The following ZNF320 variants were observed in gnomAD, a reference collection of about 807,000 sequenced individuals.
ZNF320 encodes zinc finger protein 320.
Under a neutral mutation model 6.8 loss-of-function variants are expected in ZNF320, and 2 were observed. The ratio of observed to expected loss-of-function variants is 0.29; its 90% confidence interval spans 0.12 to 0.93. The LOEUF (loss-of-function observed/expected upper bound fraction) is 0.93. ZNF320 is among the 40% of genes least tolerant of loss of function. ZNF320 has a pLI of 0.55. For missense variants in ZNF320, 472 were observed against 611.0 expected (o/e 0.77, Z 2.40); for synonymous variants, 208 against 203.2 (o/e 1.02, Z -0.20).
chr19:52,870,779 C>T (rs4803017), intron 5 of ZNF320, among the ~76,000 whole-genome samples: 129,869 of 152,068 alleles, frequency 0.85, 55,786 homozygotes, highest in Non-Finnish European at 0.88. Flanking sequence ...AAATAAAATA[C>T]AATCAATGAT....
downstream of ZNF320, among the ~76,000 whole-genome samples, chr19:52,860,640 T>A (rs537410706): frequency 6.6e-6 from 1 of 151,740 alleles, no homozygotes; most frequent in African/African-American, 2.4e-5. Context: ...TTCTTGGTAT[T>A]TTAGTGTGCA....
At chr19:52,883,378 G>A (rs112678260) in intron 5 of ZNF320, among the ~76,000 whole-genome samples, 25 of 152,214 alleles carry the variant, frequency 1.6e-4, no homozygotes, top group African/African-American at 5.1e-4. Context: ...TGACATTAAC[G>A]AAGGGAGTGT....
In ZNF320 at chr19:52,882,507, G is replaced by A. The variant is rs907352298; in HGVS notation, c.143-524C>T. On this transcript the variant is annotated intron_variant, in intron 5 of 5. Coordinates refer to ENST00000682928, the MANE Select transcript of ZNF320 (RefSeq NM_001351774.2). The stretch of plus-strand genomic sequence containing the variant: ...AGATAAGATTACAAAAATTAGCCAG[G>A]TGTGGTAGCCCACCCTGTCGTCCCA... 3.3e-5 allele frequency among the ~76,000 whole-genome samples: 5 copies of A among 152,136 alleles called. 1 individual carries two copies. Among genetic ancestry groups the A allele is most frequent in the Admixed American group, 1.3e-4 (2 of 15,268 alleles).
upstream of ZNF320, among the ~76,000 whole-genome samples, chr19:52,900,912 A>AT (rs896184684): frequency 7.3e-5 from 8 of 109,598 alleles, no homozygotes; most frequent in Non-Finnish European, 6.4e-5. Context: ...AGATATACTT[A>AT]TTTTTTTTTT....
chr19:52,887,013 A>AGGAAGGAAGGAAGGAAGGAAGG (rs1555821425), intron 5 of ZNF320, among the ~76,000 whole-genome samples: 6 of 143,344 alleles, frequency 4.2e-5, no homozygotes, highest in African/African-American at 1.6e-4. Context: ...AAGGAAAAGA[A>AGGAAGGAAGGAAGGAAGGAAGG]AAAACAAAAC....
At chr19:52,896,317 C>A (rs1164602212) in intron 1 of ZNF320, among the ~76,000 whole-genome samples, 4 of 152,230 alleles carry the variant, frequency 2.6e-5, no homozygotes, top group African/African-American at 9.6e-5. Context: ...TCTCGAACTC[C>A]TGACCTCAGG....
downstream of ZNF320, among the ~76,000 whole-genome samples, chr19:52,875,695 C>T (rs1332005736): frequency 4.0e-5 from 6 of 151,818 alleles, no homozygotes; most frequent in East Asian, 1.2e-3. Flanking sequence ...TGTGGTGGAT[C>T]TTTGGGCCTG....
chr19:52,892,422 G>A (rs148135695), intron 2 of ZNF320: 153 of 151,810 alleles, frequency 1.0e-3, no homozygotes, highest in Non-Finnish European at 1.6e-3. Context: ...AGGGTCAGCT[G>A]TAGAACTACT....
At chr19:52,862,553 T>C in exon 6 of ZNF320, 1 of 368,478 alleles carries the variant, frequency 2.7e-6, no homozygotes. Flanking sequence ...TGTTGTAGTT[T>C]TACTGGAGAC....
chr19:52,901,442 A>G (rs7256671), upstream of ZNF320, among the ~76,000 whole-genome samples: 121,259 of 152,104 alleles, frequency 0.8, 48,745 homozygotes, highest in African/African-American at 0.89. Flanking sequence ...AGGGCTTGTC[A>G]TCTTCTTCAG....
rs1341433752 is a variant in ZNF320, at chr19:52,879,894, T to C, written c.*702A>G. The C allele has an allele frequency of 1.3e-5, 2 of 152,148 alleles. No homozygotes were observed. Among genetic ancestry groups the C allele is most frequent in the Non-Finnish European group, 2.9e-5 (2 of 68,024 alleles). 9.4% of individuals were successfully genotyped at this position (152,148 alleles called of 1,614,324 possible). A position where few individuals can be genotyped will look rare whatever the true frequency, so the allele number is the denominator to read the frequency against. On this transcript the variant is annotated 3_prime_UTR_variant, in exon 6 of 6. Transcript: ENST00000682928. The stretch of plus-strand genomic sequence containing the variant: ...AATAAATGAAAAAAGTTGAGAAGTT[T>C]CTACCTTCAAATCTACAAACATTGA...
chr19:52,883,367 G>A (rs2063980782), intron 5 of ZNF320, among the ~76,000 whole-genome samples: 1 of 152,144 alleles, frequency 6.6e-6, no homozygotes, highest in Admixed American at 6.6e-5. Flanking sequence ...GCGGCAGTTT[G>A]TGACATTAAC....
chr19:52,867,677 T>C (rs2147776296), intron 5 of ZNF320, among the ~76,000 whole-genome samples: 1 of 152,204 alleles, frequency 6.6e-6, no homozygotes, highest in Admixed American at 6.5e-5. Flanking sequence ...AGTGGCCTGA[T>C]CTTGGCTCAC....
upstream of ZNF320, among the ~76,000 whole-genome samples, chr19:52,898,348 G>A: frequency 6.6e-6 from 1 of 152,146 alleles, no homozygotes; most frequent in Non-Finnish European, 1.5e-5. Context: ...AGGGATGTGG[G>A]CGAGGTGGCG....
Position 52,864,117 on chromosome 19 carries a change from G to A in ZNF320, c.266C>T (p.Ala89Val), listed in dbSNP as rs141659387. The stretch of plus-strand genomic sequence containing the variant: ...GCAGGGTCCAGGCGTTTCCACTCCA[G>A]CAAAGAGAACTCTATAGCCACATCT... The change falls in exon 6 of 6, where the codon GCT (alanine) becomes GTT (valine). Residue 89 changes from alanine (A) to valine (V), a missense_variant. Transcript: ENST00000673631. The A allele has an allele frequency of 2.9e-3, 963 of 328,440 alleles. 9 individuals carry two copies. Among genetic ancestry groups the A allele is most frequent in the African/African-American group, 0.016 (732 of 44,578 alleles). 20.3% of individuals were successfully genotyped at this position (328,440 alleles called of 1,614,324 possible).
Position 52,888,048 on chromosome 19 carries a change from G to A in ZNF320, c.142+79C>T. The A allele has an allele frequency of 5.6e-6, 9 of 1,596,286 alleles. No homozygotes were observed. In the South Asian group the frequency reaches 6.9e-5, roughly 12 times the overall value. ...GCTTCCATTTTAGTCAAGCAAGGAT[G>A]CAACTCCCAAGAGAAACAAGAGAAA... On this transcript the variant is annotated intron_variant, in intron 5 of 5. Transcript: ENST00000682928.
chr19:52,888,912 G>A (rs1432257786), intron 4 of ZNF320, among the ~76,000 whole-genome samples: 4 of 152,038 alleles, frequency 2.6e-5, no homozygotes, highest in Admixed American at 1.3e-4. Context: ...TTTGCAGGGC[G>A]CAGTGGCTCA....
intron 5 of ZNF320, among the ~76,000 whole-genome samples, chr19:52,886,295 T>A (rs1309182362): frequency 3.9e-5 from 6 of 152,064 alleles, no homozygotes; most frequent in Non-Finnish European, 7.4e-5. Context: ...CCACTGTGCC[T>A]GGCTAATTTT....
intron 5 of ZNF320, among the ~76,000 whole-genome samples, chr19:52,868,166 T>C (rs924168104): frequency 9.9e-5 from 15 of 152,128 alleles, no homozygotes; most frequent in Non-Finnish European, 1.8e-4. Context: ...GCCTGTCATA[T>C]AAAAGCTGCA....
Sources: gnomAD v4.1 joint callset for allele counts (sites outside exome capture counted in the v4.1 genomes callset) on GRCh38, gnomAD v4.1.1 for gene constraint, MANE v1.5 for transcripts, NCBI Gene and HGNC (gene_info 2026-07-23, HGNC 2026-07-21) for gene names.